The following CEMIP2 variants were observed in gnomAD, a reference collection of about 807,000 sequenced individuals.
The protein encoded by CEMIP2 is cell surface hyaluronidase CEMIP2.
In CEMIP2, 79 loss-of-function variants were observed where a neutral mutation model predicts 146.9. The observed-to-expected ratio is 0.54, with a 90% CI of 0.45 to 0.65. The LOEUF (loss-of-function observed/expected upper bound fraction) is 0.65. CEMIP2 is among the 30% of genes least tolerant of loss of function. CEMIP2 has a pLI of 0.00. For synonymous variants in CEMIP2, 601 were observed against 606.3 expected, an observed-to-expected ratio of 0.99 and a Z score of 0.13; for missense variants, 1,596 against 1,696.2, an observed-to-expected ratio of 0.94 and a Z score of 1.04.
At chr9:71,726,138 C>T (rs560198791) in intron 10 of CEMIP2, among the ~76,000 whole-genome samples, 8 of 152,094 alleles carry the variant, frequency 5.3e-5, no homozygotes, top group Non-Finnish European at 7.4e-5. Context: ...TCCACCAGCA[C>T]GCAGAGATCA....
At position 71,718,029 on chromosome 9, in the gene CEMIP2, A is replaced by T; in HGVS notation, c.2318T>A (p.Leu773Gln). The T allele has an allele frequency of 6.2e-7, 1 of 1,613,270 alleles. No individual in the cohort carries two copies. The highest frequency in any genetic ancestry group is 1.1e-5 in the South Asian group (1 of 90,906). Residue 773 changes from leucine (L) to glutamine (Q), a missense_variant, in exon 13 of 24, where the codon CTA becomes CAA. Transcript: ENST00000377044. The stretch of plus-strand genomic sequence containing the variant: ...TTTAAAAGCAATGAGCCTGTCAATT[A>T]GAGCAGCAACACGTGGTTTTTCGGG... ...ANPEKPRVAALIDRLIAFKNN... is the reference protein window; with the variant it reads ...ANPEKPRVAAQIDRLIAFKNN...
intron 1 of CEMIP2, among the ~76,000 whole-genome samples, chr9:71,757,063 A>G (rs1824481342): frequency 1.3e-5 from 2 of 152,194 alleles, no homozygotes; most frequent in South Asian, 4.1e-4. Flanking sequence ...AAAGGTACTT[A>G]TCACTTACAT....
At chr9:71,685,710 G>GT (rs1822040546) in intron 23 of CEMIP2, 33 bp downstream of exon 23, 1 of 1,567,522 alleles carries the variant, frequency 6.4e-7, no homozygotes, top group Non-Finnish European at 8.8e-7. Flanking sequence ...TGCTGGCCCT[G>GT]TAAGAACTTC....
chr9:71,756,335 G>A (rs1337190496), intron 1 of CEMIP2, among the ~76,000 whole-genome samples: 3 of 147,484 alleles, frequency 2.0e-5, no homozygotes, highest in East Asian at 2.0e-4. Context: ...ATGTGTGTGT[G>A]TATATATATA....
At chr9:71,736,258 T>A (rs62547057) in intron 5 of CEMIP2, among the ~76,000 whole-genome samples, 10,745 of 152,230 alleles carry the variant, frequency 0.071, 540 homozygotes, top group South Asian at 0.19. Context: ...AACATCCTTG[T>A]TGGAAGCAAC....
In CEMIP2 at chr9:71,700,963, C is replaced by CT. The variant is rs1480666997; in HGVS notation, c.3195-140dup. ...TAGTTTTCTCCTCCTTAAATTTCTT[C>CT]TGTGTGTTGGGCCACTGACAGTGGA... is the stretch of plus-strand genomic sequence containing the variant. On this transcript the variant is annotated intron_variant, in intron 18 of 23. Transcript: ENST00000377044. 7 of 759,350 alleles carry CT rather than the reference C, an allele frequency of 9.2e-6. No homozygotes were observed. The East Asian group carries it at 2.0e-4, about 22-fold the overall frequency. The allele number at this position is 759,350 out of a possible 1,614,324, so 47.0% of individuals were successfully genotyped here. A position where few individuals can be genotyped will look rare whatever the true frequency, so the allele number is the denominator to read the frequency against.
At chr9:71,732,686 ATTTTTTTTTTTTTTTTTTTT>A (rs59985618) in intron 6 of CEMIP2, among the ~76,000 whole-genome samples, 166 bp from the exon 7 acceptor site, 7 of 75,878 alleles carry the variant, frequency 9.2e-5, no homozygotes, top group African/African-American at 3.7e-4. Context: ...GACACGGGGA[ATTTTTTTTTTTTTTTTTTTT>A]TTTTTTTTTT....
intron 17 of CEMIP2, among the ~76,000 whole-genome samples, chr9:71,705,379 T>C (rs1288446852): frequency 1.3e-5 from 2 of 151,804 alleles, no homozygotes; most frequent in Non-Finnish European, 2.9e-5. Flanking sequence ...TGTATTCCAG[T>C]GGCATTAGAG....
At chr9:71,733,050 T>C (rs1823669785) in intron 6 of CEMIP2, among the ~76,000 whole-genome samples, 1 of 152,162 alleles carries the variant, frequency 6.6e-6, no homozygotes, top group African/African-American at 2.4e-5. Flanking sequence ...TCTCCTCCCC[T>C]AGGGCATATG....
chr9:71,702,910 A>G (rs1222112940), intron 18 of CEMIP2, among the ~76,000 whole-genome samples: 1 of 152,192 alleles, frequency 6.6e-6, no homozygotes, highest in East Asian at 1.9e-4. Flanking sequence ...AACACTGCAT[A>G]TCATTTTATT....
At chr9:71,736,425 C>T (rs991253341) in intron 5 of CEMIP2, among the ~76,000 whole-genome samples, 9 of 152,162 alleles carry the variant, frequency 5.9e-5, no homozygotes, top group African/African-American at 2.2e-4. Context: ...TATGTATCCA[C>T]GGATGTCTAC....
chr9:71,695,628 C>T (rs532956735), intron 20 of CEMIP2, among the ~76,000 whole-genome samples: 17 of 152,004 alleles, frequency 1.1e-4, no homozygotes, highest in Admixed American at 2.0e-4. Flanking sequence ...GAGCTGAGAT[C>T]GTACCACTGC....
At chr9:71,686,706 T>C (rs929865451) in intron 22 of CEMIP2, 1 of 152,124 alleles carries the variant, frequency 6.6e-6, no homozygotes, top group African/African-American at 2.4e-5. Flanking sequence ...GCAATTTCAT[T>C]ACATACATAG....
intron 1 of CEMIP2, among the ~76,000 whole-genome samples, chr9:71,759,730 G>C (rs12337170): frequency 2.6e-5 from 4 of 151,334 alleles, no homozygotes; most frequent in African/African-American, 4.9e-5. Flanking sequence ...AGGGCTGTTC[G>C]GATGTGGTTA....
At position 71,746,596 on chromosome 9, in the gene CEMIP2, CAAAAAAAAA is replaced by C. The variant is rs5898226; in HGVS notation, c.332-264_332-256del. Among the ~76,000 whole-genome samples, 120 of 75,174 alleles carry C rather than the reference CAAAAAAAAA, an allele frequency of 1.6e-3. 4 individuals are homozygous for C. Among genetic ancestry groups the C allele is most frequent in the African/African-American group, 6.0e-3 (111 of 18,582 alleles). The allele number at this position is 75,174 out of a possible 152,430, so 49.3% of individuals were successfully genotyped here. A position where few individuals can be genotyped will look rare whatever the true frequency, so the allele number is the denominator to read the frequency against. ...GCATCTAGTTCAGGACAAACTTCAC[CAAAAAAAAA>C]AAAAAAAAAAAAAAGTTTCCCTGAA... On this transcript the variant is annotated intron_variant, in intron 2 of 23. Transcript: ENST00000377044.
rs1564012216 is a variant in CEMIP2, at chr9:71,728,250, T to TATATATAC, written c.2049+1594_2049+1595insGTATATAT. On this transcript the variant is annotated intron_variant, in intron 10 of 23. Transcript: ENST00000377044. Reference sequence around the variant, plus strand: ...CTCTCTCTATATATATATATATATATGTATATACACGTATATATATATATA... The same window carrying TATATATAC: ...CTCTCTCTATATATATATATATATATATATATACGTATATACACGTATATATATATATA... 8.9e-3 allele frequency among the ~76,000 whole-genome samples: 208 copies of TATATATAC among 23,422 alleles called. 15 individuals carry two copies. Among genetic ancestry groups the TATATATAC allele is most frequent in the East Asian group, 0.02 (12 of 604 alleles). 15.4% of individuals were successfully genotyped at this position (23,422 alleles called of 152,430 possible).
In CEMIP2 at chr9:71,745,173, C is replaced by G. The variant is rs893984698; in HGVS notation, c.879G>C (p.Glu293Asp). The G allele has an allele frequency of 1.2e-6, 2 of 1,614,148 alleles. No individual in the cohort carries two copies. Among genetic ancestry groups the G allele is most frequent in the Non-Finnish European group, 1.7e-6 (2 of 1,180,008 alleles). ...TCAGAAACTCCTGAAGCCGCCTGCT[C>G]TCATTGCGGTATTCATGGGTATCAA... ...ERFDTHEYRN[E>D]SRRLQEFLRF... Residue 293 changes from glutamate to aspartate, a missense_variant, in exon 4 of 24, where the codon GAG (glutamate) becomes GAC (aspartate). Physicochemically the swap from Glu to Asp is conservative, Grantham distance 45 (BLOSUM62 2). Coordinates refer to ENST00000377044, the MANE Select transcript of CEMIP2 (RefSeq NM_013390.3).
At chr9:71,720,072 T>C (rs1823189565) in intron 12 of CEMIP2, among the ~76,000 whole-genome samples, 2 of 152,178 alleles carry the variant, frequency 1.3e-5, no homozygotes, top group Admixed American at 1.3e-4. Flanking sequence ...TTTTCCCGAT[T>C]TTCTTATTAT....
At position 71,745,100 on chromosome 9, in the gene CEMIP2, C is replaced by T; in HGVS notation, c.952G>A (p.Ala318Thr). 6.2e-7 allele frequency: 1 copy of T among 1,614,152 alleles called. No individual in the cohort carries two copies. The highest frequency in any genetic ancestry group is 8.5e-7 in the Non-Finnish European group (1 of 1,180,010). Reference sequence around the variant, plus strand: ...GTTCCTTGTAAGAGACTTTTAGCGGCTGAATCCCCGACAGCTATGGCAACA... The same window carrying T: ...GTTCCTTGTAAGAGACTTTTAGCGGTTGAATCCCCGACAGCTATGGCAACA... ...RIVAIAVGDS[A>T]AKSLLQGTIQ... The change falls in exon 4 of 24, where the codon GCC becomes ACC. Residue 318 changes from alanine (A) to threonine (T), a missense_variant. Transcript: ENST00000377044.
Sources: allele counts gnomAD v4.1 joint callset (sites outside exome capture counted in the v4.1 genomes callset), GRCh38; gene constraint gnomAD v4.1.1; transcripts MANE v1.5; gene names NCBI Gene and HGNC (gene_info 2026-07-23, HGNC 2026-07-21).